Variants in DNAH7 observed in about 807,000 individuals in gnomAD.
DNAH7 encodes axonemal beta dynein heavy chain 7.
In DNAH7, 397 loss-of-function variants were observed where a neutral mutation model predicts 444.6. The observed-to-expected ratio is 0.89, with a 90% CI of 0.82 to 0.97. DNAH7 has a LOEUF of 0.97. Among genes scored for constraint, DNAH7 ranks in the 50% least tolerant of loss-of-function variants. The probability of loss-of-function intolerance (pLI) is 0.00; values close to 1 mark genes in which losing one functional copy is unlikely to be tolerated. For missense variants in DNAH7, 4,902 were observed against 4,800.8 expected, an observed-to-expected ratio of 1.02 and a Z score of -0.62; for synonymous variants, 1,636 against 1,624.4, an observed-to-expected ratio of 1.01 and a Z score of -0.17.
At chr2:195,891,609 A>G (rs780470653) in intron 31 of DNAH7, 46 bp downstream of exon 31, 2 of 1,455,046 alleles carry the variant, frequency 1.4e-6, no homozygotes, top group Non-Finnish European at 1.8e-6. Flanking sequence ...TCAGAAATAA[A>G]TATCTTAACC....
chr2:195,829,766 T>C (rs1442584434), intron 48 of DNAH7, among the ~76,000 whole-genome samples: 2 of 152,036 alleles, frequency 1.3e-5, no homozygotes, highest in African/African-American at 4.8e-5. Flanking sequence ...AAATATACAT[T>C]ATGAAACTTA....
intron 61 of DNAH7, among the ~76,000 whole-genome samples, chr2:195,757,291 A>G (rs2105914074): frequency 6.6e-6 from 1 of 152,346 alleles, no homozygotes; most frequent in South Asian, 2.1e-4. Flanking sequence ...ATAAAATTAG[A>G]AAAATTACAT....
chr2:195,853,566 G>T, intron 45 of DNAH7, 38 bp from the exon 46 acceptor site: 1 of 1,549,012 alleles, frequency 6.5e-7, no homozygotes, highest in Non-Finnish European at 8.7e-7. Flanking sequence ...ACATTTACAA[G>T]TATAAGAAGT....
chr2:195,928,826 G>A (rs976271931), intron 21 of DNAH7, among the ~76,000 whole-genome samples: 1 of 152,002 alleles, frequency 6.6e-6, no homozygotes, highest in African/African-American at 2.4e-5. Context: ...TTGTGGGAGA[G>A]TCTGACACAT....
At chr2:196,001,911 T>C in intron 10 of DNAH7, 53 bp from the exon 11 acceptor site, 2 of 1,436,950 alleles carry the variant, frequency 1.4e-6, no homozygotes, top group Non-Finnish European at 1.9e-6. Context: ...AATTACTCCT[T>C]TTATATTAAG....
At chr2:195,803,736 T>G (rs745507074) in intron 54 of DNAH7, among the ~76,000 whole-genome samples, 1 of 152,210 alleles carries the variant, frequency 6.6e-6, no homozygotes, top group Non-Finnish European at 1.5e-5. Flanking sequence ...ACATATTAAC[T>G]TATATTTGAC....
chr2:195,935,520 T>C (rs949610163), intron 20 of DNAH7, among the ~76,000 whole-genome samples: 11 of 152,194 alleles, frequency 7.2e-5, no homozygotes, highest in South Asian at 4.1e-4. Context: ...TCAGATGCTC[T>C]TCTAAAGATT....
chr2:195,789,065 A>G (rs1159438686), intron 57 of DNAH7, among the ~76,000 whole-genome samples: 1 of 152,168 alleles, frequency 6.6e-6, no homozygotes, highest in Non-Finnish European at 1.5e-5. Flanking sequence ...CTTCAGAAAA[A>G]TGGCTGATTC....
chr2:196,021,224 C>A (rs1435826150), intron 8 of DNAH7, among the ~76,000 whole-genome samples: 2 of 152,074 alleles, frequency 1.3e-5, no homozygotes, highest in African/African-American at 2.4e-5. Flanking sequence ...TTCTTTCCAC[C>A]AAGTACTTAT....
chr2:195,894,159 G>T (rs1403739937), intron 30 of DNAH7: 1 of 152,072 alleles, frequency 6.6e-6, no homozygotes, highest in Non-Finnish European at 1.5e-5. Context: ...AAAAGATAAA[G>T]ACCACTGATC....
intron 1 of DNAH7, among the ~76,000 whole-genome samples, chr2:196,062,672 G>A (rs917818303): frequency 1.3e-5 from 2 of 152,018 alleles, no homozygotes; most frequent in East Asian, 1.9e-4. Flanking sequence ...GGACACTATC[G>A]CCCCTACGAT....
Position 195,754,443 on chromosome 2 carries a change from G to C in DNAH7, c.11658C>G (p.Thr3886=), listed in dbSNP as rs555417845. ...TCCTGGCGTAGTTCTGCTGGGCACC[G>C]GTCAGGAAGGCTTGTGTGAAGAAGA... ...SGFFFTQAFL[T]GAQQNYARKY... Residue 3886 remains threonine, a synonymous_variant, in exon 63 of 65, where the codon ACC becomes ACG. Coordinates refer to ENST00000312428, the MANE Select transcript of DNAH7 (RefSeq NM_018897.3). 6.2e-7 allele frequency: 1 copy of C among 1,614,082 alleles called. No individual in the cohort carries two copies. The highest frequency in any genetic ancestry group is 1.1e-5 in the South Asian group (1 of 91,074).
At chr2:196,048,473 G>C (rs1216017427) in intron 3 of DNAH7, 69 bp from the exon 4 acceptor site, 3 of 1,292,556 alleles carry the variant, frequency 2.3e-6, no homozygotes, top group Middle Eastern at 1.9e-4. Flanking sequence ...TGAAATGCAC[G>C]AGTGTTTATA....
chr2:196,012,729 T>C (rs1694793165), intron 10 of DNAH7, 58 bp downstream of exon 10: 15 of 1,561,424 alleles, frequency 9.6e-6, no homozygotes, highest in Non-Finnish European at 1.1e-5. Flanking sequence ...TAAAATGCAG[T>C]AGCCCACAAT....
Position 195,858,614 on chromosome 2 carries a change from T to C in DNAH7, c.7927A>G (p.Ile2643Val). 6.2e-7 allele frequency: 1 copy of C among 1,614,022 alleles called. No individual in the cohort carries two copies. Among genetic ancestry groups the C allele is most frequent in the South Asian group, 1.1e-5 (1 of 91,076 alleles). The change falls in exon 43 of 65, where the codon ATA becomes GTA. Residue 2643 changes from isoleucine to valine, a missense_variant. By Grantham distance (29) the Ile-to-Val change is conservative (BLOSUM62 3). Coordinates refer to ENST00000312428, the MANE Select transcript of DNAH7 (RefSeq NM_018897.3). Reference sequence around the variant, plus strand: ...GCTATTGTTTCATCAGCTTTCACTATTTTTTCAGTTTTGGCAACTTCTACA... The same window carrying C: ...GCTATTGTTTCATCAGCTTTCACTACTTTTTCAGTTTTGGCAACTTCTACA... ...ESVEVAKTEKIVKADETIANE... is the reference protein window; with the variant it reads ...ESVEVAKTEKVVKADETIANE...
At chr2:196,021,867 C>A (rs539521432) in intron 8 of DNAH7, among the ~76,000 whole-genome samples, 14 of 152,220 alleles carry the variant, frequency 9.2e-5, no homozygotes, top group South Asian at 2.1e-4. Context: ...TGGCTCACAC[C>A]TGTAATCCCA....
Position 195,900,424 on chromosome 2 carries a change from CAGG to C in DNAH7, c.4403_4405del (p.Ser1468del). The C allele has an allele frequency of 6.2e-7, 1 of 1,614,002 alleles. No individual in the cohort carries two copies. Among genetic ancestry groups the C allele is most frequent in the Middle Eastern group, 1.7e-4 (1 of 6,060 alleles). ...CAGTGGTCGAGCAGTGACAAACCCA[CAGG>C]AGTATAGGACTATTTCAGCAATCAT... On this transcript the variant is annotated inframe_deletion, in exon 28 of 65. Transcript: ENST00000312428.
At chr2:195,918,683 A>G (rs1366301228) in intron 24 of DNAH7, among the ~76,000 whole-genome samples, 1 of 152,238 alleles carries the variant, frequency 6.6e-6, no homozygotes. Flanking sequence ...TAGATACTAT[A>G]TGACACTTTG....
chr2:195,875,279 G>A (rs745825508), intron 38 of DNAH7, among the ~76,000 whole-genome samples: 1 of 152,146 alleles, frequency 6.6e-6, no homozygotes, highest in African/African-American at 2.4e-5. Context: ...AAGCATTAAG[G>A]AATGACACAG....
Sources: gnomAD v4.1 joint callset for allele counts (sites outside exome capture counted in the v4.1 genomes callset) on GRCh38, gnomAD v4.1.1 for gene constraint, MANE v1.5 for transcripts, NCBI Gene and HGNC (gene_info 2026-07-23, HGNC 2026-07-21) for gene names.